The following PTP4A1 variants were observed in gnomAD, a reference collection of about 807,000 sequenced individuals.
PTP4A1 encodes protein tyrosine phosphatase type IVA 1.
PTP4A1 carries 9 observed loss-of-function variants against 20.5 expected under a neutral mutation model. The observed-to-expected ratio is 0.44, with a 90% CI of 0.26 to 0.77. The LOEUF (loss-of-function observed/expected upper bound fraction) is 0.77. PTP4A1 is among the 30% of genes least tolerant of loss of function. The probability of loss-of-function intolerance (pLI) is 0.19; values close to 1 mark genes in which losing one functional copy is unlikely to be tolerated. For missense variants in PTP4A1, 137 were observed against 218.8 expected, an observed-to-expected ratio of 0.63 and a Z score of 2.36; for synonymous variants, 78 against 67.4, an observed-to-expected ratio of 1.16 and a Z score of -0.77.
At chr6:63,518,781 G>A (rs2149469688), upstream of PTP4A1, among the ~76,000 whole-genome samples, 3 of 152,256 alleles carry the variant, frequency 2.0e-5, no homozygotes, top group Middle Eastern at 0.01. Context: ...ATGTACCTGG[G>A]AAGTTGCTGA....
At chr6:63,562,792 G>A (rs1204852248) in intron 3 of PTP4A1, among the ~76,000 whole-genome samples, 2 of 152,132 alleles carry the variant, frequency 1.3e-5, no homozygotes, top group Non-Finnish European at 2.9e-5. Flanking sequence ...CTCAGAAATA[G>A]TGTCTTTCTC....
chr6:63,522,172 TTTTCTGATTTTATGGAA>T (rs1445625594), intron 1 of PTP4A1, among the ~76,000 whole-genome samples: 2 of 152,226 alleles, frequency 1.3e-5, no homozygotes, highest in African/African-American at 2.4e-5. Context: ...TATATTTATG[TTTTCTGATTTTATGGAA>T]TGTCATATTC....
intron 2 of PTP4A1, among the ~76,000 whole-genome samples, chr6:63,546,653 C>T (rs1327876236): frequency 6.6e-6 from 1 of 151,986 alleles, no homozygotes; most frequent in Non-Finnish European, 1.5e-5. Context: ...TTGCAGTGAG[C>T]TGAGATCGTG....
chr6:63,572,355 G>C (rs899551526), upstream of PTP4A1: 16 of 284,188 alleles, frequency 5.6e-5, no homozygotes, highest in African/African-American at 2.6e-4. Context: ...GCGGAGTGAC[G>C]TCCGGAGGGG....
intron 1 of PTP4A1, among the ~76,000 whole-genome samples, chr6:63,575,912 G>A (rs984987989): frequency 2.6e-5 from 4 of 151,940 alleles, no homozygotes; most frequent in South Asian, 2.1e-4. Flanking sequence ...GAACTTAGAT[G>A]TTTCAGTTTA....
At chr6:63,540,584 C>A (rs2149483462) in intron 2 of PTP4A1, among the ~76,000 whole-genome samples, 1 of 151,718 alleles carries the variant, frequency 6.6e-6, no homozygotes, top group South Asian at 2.1e-4. Flanking sequence ...TTGCTCCACT[C>A]ACTGCACTCC....
chr6:63,522,095 CT>C (rs907941904), intron 1 of PTP4A1, among the ~76,000 whole-genome samples: 3 of 152,090 alleles, frequency 2.0e-5, no homozygotes, highest in African/African-American at 7.2e-5. Flanking sequence ...TTGGTAGAAC[CT>C]TTTGTTAATA....
intron 3 of PTP4A1, among the ~76,000 whole-genome samples, chr6:63,555,910 C>G (rs1403640266): frequency 4.6e-5 from 7 of 151,788 alleles, no homozygotes; most frequent in Non-Finnish European, 1.0e-4. Flanking sequence ...GCCAGGCTGG[C>G]GAACTCCTGG....
chr6:63,556,913 T>C (rs1045344633), intron 3 of PTP4A1, among the ~76,000 whole-genome samples: 1 of 152,220 alleles, frequency 6.6e-6, no homozygotes, highest in African/African-American at 2.4e-5. Context: ...CTTGATTTCA[T>C]CCTCTAATCT....
In PTP4A1 at chr6:63,583,512, A is replaced by G. The variant is rs982222091; in HGVS notation, c.*3338A>G. The G allele has an allele frequency of 1.3e-5, 2 of 152,248 alleles. No individual in the cohort carries two copies. Among genetic ancestry groups the G allele is most frequent in the Non-Finnish European group, 2.9e-5 (2 of 68,046 alleles). The allele number at this position is 152,248 out of a possible 1,614,324, so 9.4% of individuals were successfully genotyped here. A position where few individuals can be genotyped will look rare whatever the true frequency, so the allele number is the denominator to read the frequency against. On this transcript the variant is annotated 3_prime_UTR_variant, in exon 6 of 6. Transcript: ENST00000626021. Reference sequence around the variant, plus strand: ...ACCAGTGATATGTGTTAACGTATGAATGAAAGGATTGATGGTGATTTTATA... The same window carrying G: ...ACCAGTGATATGTGTTAACGTATGAGTGAAAGGATTGATGGTGATTTTATA...
At position 63,578,517 on chromosome 6, in the gene PTP4A1, T is replaced by G; in HGVS notation, c.186T>G (p.Gly62=). The G allele has an allele frequency of 6.2e-7, 1 of 1,611,728 alleles. No individual in the cohort carries two copies. Residue 62 remains glycine (G), a synonymous_variant, in exon 3 of 6, where the codon GGT becomes GGG. Coordinates refer to ENST00000626021, the MANE Select transcript of PTP4A1 (RefSeq NM_003463.5). ...ACACTACTCTTGTGGAGAAAGAAGG[T>G]ATCCATGTTCTTGTAAGTATTTAAC... ...TYDTTLVEKE[G]IHVLDWPFDD... is the part of the protein sequence containing the mutation.
chr6:63,540,933 G>A (rs1775941168), intron 2 of PTP4A1, among the ~76,000 whole-genome samples: 1 of 151,638 alleles, frequency 6.6e-6, no homozygotes, highest in East Asian at 1.9e-4. Flanking sequence ...AACCCCGGGG[G>A]CGGAGGTTGC....
At chr6:63,542,645 G>T (rs183434561) in intron 2 of PTP4A1, among the ~76,000 whole-genome samples, 1 of 152,108 alleles carries the variant, frequency 6.6e-6, no homozygotes, top group South Asian at 2.1e-4. Flanking sequence ...TCACATAGTT[G>T]ACCAGTTTTC....
chr6:63,557,948 G>A (rs1298062404), intron 3 of PTP4A1, among the ~76,000 whole-genome samples: 2 of 151,870 alleles, frequency 1.3e-5, no homozygotes, highest in African/African-American at 4.8e-5. Context: ...GGAGTGCAGG[G>A]GTGCGATCTC....
intron 2 of PTP4A1, among the ~76,000 whole-genome samples, chr6:63,531,801 C>G (rs751553637): frequency 2.0e-5 from 3 of 151,566 alleles, no homozygotes; most frequent in Non-Finnish European, 4.4e-5. Context: ...TCCCATAACA[C>G]TTTTATCTGC....
chr6:63,549,716 A>C (rs1036918224), intron 2 of PTP4A1, among the ~76,000 whole-genome samples: 5 of 152,192 alleles, frequency 3.3e-5, no homozygotes, highest in African/African-American at 9.7e-5. Flanking sequence ...CCTAAAGTTA[A>C]ACACAGATTG....
At chr6:63,544,049 G>C (rs1179766903) in intron 2 of PTP4A1, among the ~76,000 whole-genome samples, 1 of 152,000 alleles carries the variant, frequency 6.6e-6, no homozygotes, top group Admixed American at 6.6e-5. Context: ...CCCCAACCCC[G>C]TATTTCATGT....
At chr6:63,579,968 A>G (rs762441080) in intron 5 of PTP4A1, 89 bp from the exon 6 acceptor site, 1 of 923,734 alleles carries the variant, frequency 1.1e-6, no homozygotes, top group Non-Finnish European at 1.7e-6. Context: ...ATAAATTGCC[A>G]CAAGAGAGGT....
chr6:63,531,888 G>A (rs1417367813), intron 2 of PTP4A1, among the ~76,000 whole-genome samples: 1 of 148,522 alleles, frequency 6.7e-6, no homozygotes, highest in African/African-American at 2.5e-5. Context: ...CTGCAACCTT[G>A]CCTCCCGGGT....
Sources: allele counts gnomAD v4.1 joint callset (sites outside exome capture counted in the v4.1 genomes callset), GRCh38; gene constraint gnomAD v4.1.1; transcripts MANE v1.5; gene names NCBI Gene and HGNC (gene_info 2026-07-23, HGNC 2026-07-21).